Variants in SLC8A3 observed in about 807,000 individuals in gnomAD.
SLC8A3 encodes solute carrier family 8 member A3, also known as sodium/calcium exchanger 3.
A neutral mutation model predicts 65.4 loss-of-function variants in SLC8A3; 37 were observed. That is an observed-to-expected ratio of 0.57 (90% CI 0.44 to 0.74). The LOEUF (loss-of-function observed/expected upper bound fraction) is 0.74, where lower values mean the gene tolerates loss of function less well. Among genes scored for constraint, SLC8A3 ranks in the 30% least tolerant of loss-of-function variants. The probability of loss-of-function intolerance (pLI) is 0.00; values close to 1 mark genes in which losing one functional copy is unlikely to be tolerated. For synonymous variants in SLC8A3, 461 were observed against 444.5 expected, an observed-to-expected ratio of 1.04 and a Z score of -0.47; for missense variants, 1,112 against 1,172.1, an observed-to-expected ratio of 0.95 and a Z score of 0.75.
intron 3 of SLC8A3, 196 bp downstream of exon 3, chr14:70,060,640 C>G (rs755646725): frequency 9.7e-6 from 7 of 722,584 alleles, no homozygotes; most frequent in South Asian, 8.3e-5. Context: ...AGAGATGATA[C>G]CGAAACAGGG....
At chr14:70,108,639 G>C (rs879642430) in intron 2 of SLC8A3, among the ~76,000 whole-genome samples, 11 of 152,160 alleles carry the variant, frequency 7.2e-5, no homozygotes, top group Admixed American at 7.2e-4. Flanking sequence ...CTCTGAATTA[G>C]AGCAGCTGCT....
chr14:70,079,330 CAAAAAAA>C (rs11464342), intron 2 of SLC8A3, among the ~76,000 whole-genome samples: 295 of 80,932 alleles, frequency 3.6e-3, no homozygotes, highest in East Asian at 0.013. Context: ...CTAAAAAATA[CAAAAAAA>C]AAAAAAAAAA....
At chr14:70,057,294 GTAGA>G (rs3052660) in intron 3 of SLC8A3, among the ~76,000 whole-genome samples, 14,529 of 149,500 alleles carry the variant, frequency 0.097, 787 homozygotes, top group Admixed American at 0.16. Context: ...AGGCAGATAG[GTAGA>G]TAGATAGATA....
chr14:70,075,656 C>T (rs1281404912), intron 2 of SLC8A3, among the ~76,000 whole-genome samples: 3 of 152,214 alleles, frequency 2.0e-5, no homozygotes, highest in Non-Finnish European at 4.4e-5. Context: ...GCAATAACCA[C>T]CTAATTTATC....
chr14:70,170,422 TC>T (rs1194862541), intron 1 of SLC8A3, among the ~76,000 whole-genome samples: 1 of 152,192 alleles, frequency 6.6e-6, no homozygotes, highest in Non-Finnish European at 1.5e-5. Context: ...ATGCTTTAGA[TC>T]TCATCCAATA....
chr14:70,075,031 GTTTC>G (rs141022507), intron 2 of SLC8A3, among the ~76,000 whole-genome samples: 12,695 of 152,020 alleles, frequency 0.084, 583 homozygotes, highest in Middle Eastern at 0.12. Context: ...ACAAGAGATT[GTTTC>G]TCTTTTGAGA....
chr14:70,114,821 G>T (rs1408441080), intron 2 of SLC8A3, among the ~76,000 whole-genome samples: 1 of 152,200 alleles, frequency 6.6e-6, no homozygotes, highest in Admixed American at 6.5e-5. Flanking sequence ...ACTCAAATGT[G>T]CAGGTTCCTC....
intron 3 of SLC8A3, chr14:70,059,572 T>C (rs1302614477): frequency 2.0e-5 from 3 of 152,090 alleles, no homozygotes; most frequent in African/African-American, 7.2e-5. Flanking sequence ...AGGGAAGAAA[T>C]CCTTCCTTAC....
At chr14:70,180,052 G>A (rs1026892393) in intron 1 of SLC8A3, among the ~76,000 whole-genome samples, 1 of 152,128 alleles carries the variant, frequency 6.6e-6, no homozygotes, top group Admixed American at 6.5e-5. Flanking sequence ...AAGAATCCCA[G>A]GGCAGCCTGA....
chr14:70,161,444 T>C (rs962736149), intron 2 of SLC8A3, among the ~76,000 whole-genome samples: 24 of 151,670 alleles, frequency 1.6e-4, no homozygotes, highest in Admixed American at 6.6e-5. Flanking sequence ...AGAAATGGAG[T>C]CCCTTCTTCA....
rs576139552 is a variant in SLC8A3 at position 70,124,763 on chromosome 14, T to C, written c.1784+41876A>G. ...TAATCTTTCCAAAACCAGTAAATAG[T>C]GTTCAAGAGATCTGGTGCCAAAAGA... is the stretch of plus-strand genomic sequence containing the variant. On this transcript the variant is annotated intron_variant, in intron 2 of 6. Coordinates refer to ENST00000356921, the MANE Select transcript of SLC8A3 (RefSeq NM_182932.3). Among the ~76,000 whole-genome samples the C allele has an allele frequency of 6.6e-5, 10 of 152,314 alleles. 1 individual carries two copies. The South Asian group carries it at 2.1e-3, about 32-fold the overall frequency.
At chr14:70,115,364 G>C (rs6573927) in intron 2 of SLC8A3, among the ~76,000 whole-genome samples, 1 of 152,126 alleles carries the variant, frequency 6.6e-6, no homozygotes, top group African/African-American at 2.4e-5. Flanking sequence ...TGATTCCGGA[G>C]AGCAGCCTTT....
rs764907002 is a variant in SLC8A3 at position 70,108,399 on chromosome 14, CA to C, written c.1785-47461del. ...TGGGCGACAAAGCAAGACTCCGTCTCAAAAAAAAAAAAAAAGAAAAATGAAA... is the reference window on the plus strand; with the variant it reads ...TGGGCGACAAAGCAAGACTCCGTCTCAAAAAAAAAAAAAAGAAAAATGAAA... On this transcript the variant is annotated intron_variant, in intron 2 of 6. Transcript: ENST00000356921. 3.7e-3 allele frequency among the ~76,000 whole-genome samples: 344 copies of C among 91,986 alleles called. 1 individual carries two copies. Among genetic ancestry groups the C allele is most frequent in the South Asian group, 0.014 (36 of 2,504 alleles). 60.3% of individuals were successfully genotyped at this position (91,986 alleles called of 152,430 possible). A position where few individuals can be genotyped will look rare whatever the true frequency, so the allele number is the denominator to read the frequency against.
At chr14:70,170,669 C>T (rs1897469949) in intron 1 of SLC8A3, among the ~76,000 whole-genome samples, 1 of 152,176 alleles carries the variant, frequency 6.6e-6, no homozygotes, top group Non-Finnish European at 1.5e-5. Flanking sequence ...TATGTGGGAC[C>T]TCTTTAAATT....
chr14:70,089,743 G>A (rs563741561), intron 2 of SLC8A3, among the ~76,000 whole-genome samples: 15 of 152,142 alleles, frequency 9.9e-5, no homozygotes, highest in African/African-American at 3.4e-4. Context: ...TGTGACTTCC[G>A]TTTGCTGTTT....
At chr14:70,183,641 A>C (rs1882942906) in intron 1 of SLC8A3, among the ~76,000 whole-genome samples, 1 of 152,244 alleles carries the variant, frequency 6.6e-6, no homozygotes, top group Admixed American at 6.5e-5. Flanking sequence ...AACCAATCTC[A>C]TTAGAGAAAA....
At position 70,115,569 on chromosome 14, in the gene SLC8A3, G is replaced by A. The variant is rs1410619900; in HGVS notation, c.1784+51070C>T. Among the ~76,000 whole-genome samples the A allele has an allele frequency of 2.0e-5, 3 of 152,156 alleles. No homozygotes were observed. The East Asian group carries it at 5.8e-4, about 29-fold the overall frequency. The stretch of plus-strand genomic sequence containing the variant: ...CACAGTAAGGCCTGACACATATCAG[G>A]TGCTCTTATTACTCCTCAGCCTGTG... On this transcript the variant is annotated intron_variant, in intron 2 of 6. Transcript: ENST00000356921.
In SLC8A3 at chr14:70,050,273, G is replaced by GCAA. The variant is rs1887333509; in HGVS notation, c.2113+732_2113+734dup. Among the ~76,000 whole-genome samples, 3 of 152,260 alleles carry GCAA rather than the reference G, an allele frequency of 2.0e-5. No homozygotes were observed. In the South Asian group the frequency reaches 6.2e-4, roughly 32 times the overall value. On this transcript the variant is annotated intron_variant, in intron 5 of 6. Transcript: ENST00000356921. ...TGGGGTAGCAGCAGCAGCAGCAGCAGCAAACCTCTCTTCCTGGCTGTCTTT... is the reference window on the plus strand; with the variant it reads ...TGGGGTAGCAGCAGCAGCAGCAGCAGCAACAAACCTCTCTTCCTGGCTGTCTTT...
At chr14:70,144,342 A>T (rs1449303058) in intron 2 of SLC8A3, among the ~76,000 whole-genome samples, 1 of 149,246 alleles carries the variant, frequency 6.7e-6, no homozygotes, top group Non-Finnish European at 1.5e-5. Flanking sequence ...AAAAAAAAAA[A>T]AAAAAAGGCC....
Sources: allele counts gnomAD v4.1 joint callset (sites outside exome capture counted in the v4.1 genomes callset), GRCh38; gene constraint gnomAD v4.1.1; transcripts MANE v1.5; gene names NCBI Gene and HGNC (gene_info 2026-07-23, HGNC 2026-07-21).